The following RIPK2 variants were observed in gnomAD, a reference collection of about 807,000 sequenced individuals.
The protein encoded by RIPK2 is receptor-interacting serine/threonine-protein kinase 2.
In RIPK2, 38 loss-of-function variants were observed where a neutral mutation model predicts 60.9. That is an observed-to-expected ratio of 0.62 (90% CI 0.48 to 0.82). RIPK2 has a LOEUF of 0.82. Ranked by LOEUF, RIPK2 falls within the 40% of genes least tolerant of loss-of-function variation. The probability of loss-of-function intolerance (pLI) is 0.00; values close to 1 mark genes in which losing one functional copy is unlikely to be tolerated. For synonymous variants in RIPK2, 225 were observed against 223.4 expected (o/e 1.01, Z -0.06); for missense variants, 518 against 647.0 (o/e 0.80, Z 2.16).
chr8:89,788,811 G>A (rs1473557610), intron 9 of RIPK2, among the ~76,000 whole-genome samples: 2 of 151,250 alleles, frequency 1.3e-5, no homozygotes, highest in Non-Finnish European at 3.0e-5. Flanking sequence ...AGAGAGAGAG[G>A]GAGGGAGGGA....
At position 89,758,382 on chromosome 8, in the gene RIPK2, G is replaced by T; in HGVS notation, c.173+149G>T. 5.4e-6 allele frequency: 4 copies of T among 746,524 alleles called. No individual in the cohort carries two copies. The Middle Eastern group carries it at 1.2e-3, about 218-fold the overall frequency. The allele number at this position is 746,524 out of a possible 1,614,324, so 46.2% of individuals were successfully genotyped here. Reference sequence around the variant, plus strand: ...TCTAGGGAGCCCTTCAAGCTTGGGAGATAGGGAGCACCCACCCTTCAAGCT... The same window carrying T: ...TCTAGGGAGCCCTTCAAGCTTGGGATATAGGGAGCACCCACCCTTCAAGCT... On this transcript the variant is annotated intron_variant, in intron 1 of 10. Coordinates refer to ENST00000220751, the MANE Select transcript of RIPK2 (RefSeq NM_003821.6).
At chr8:89,771,627 C>G (rs915862022) in intron 4 of RIPK2, 114 bp from the exon 5 acceptor site, 2 of 634,342 alleles carry the variant, frequency 3.2e-6, no homozygotes. Flanking sequence ...TTCTTTGCTG[C>G]CTTATCACTT....
chr8:89,779,236 A>G (rs1352281449), intron 6 of RIPK2, among the ~76,000 whole-genome samples: 3 of 112,924 alleles, frequency 2.7e-5, no homozygotes, highest in Non-Finnish European at 5.5e-5. Context: ...AGCTTATCTT[A>G]TTTTTTCTTA....
intron 6 of RIPK2, among the ~76,000 whole-genome samples, chr8:89,775,654 T>C (rs1280218437): frequency 6.6e-6 from 1 of 152,166 alleles, no homozygotes; most frequent in Non-Finnish European, 1.5e-5. Context: ...TGTATGAGTA[T>C]ATGGACACTT....
chr8:89,789,890 A>C (rs764475734), intron 10 of RIPK2, among the ~76,000 whole-genome samples, 189 bp from the exon 11 acceptor site: 4 of 152,172 alleles, frequency 2.6e-5, no homozygotes, highest in Non-Finnish European at 5.9e-5. Flanking sequence ...CTGGGGAGTG[A>C]GGGGGAGATA....
In RIPK2 at chr8:89,762,282, C is replaced by T. The variant is rs564096413; in HGVS notation, c.174-547C>T. Among the ~76,000 whole-genome samples, 3 of 152,188 alleles carry T rather than the reference C, an allele frequency of 2.0e-5. No homozygotes were observed. The East Asian group carries it at 5.8e-4, about 29-fold the overall frequency. On this transcript the variant is annotated intron_variant, in intron 1 of 10. Transcript: ENST00000220751. ...GTCTATTAATATTATTGAGCATTTA[C>T]CTGTTCTCAGTGATCTTTTCCTGAG... is the stretch of plus-strand genomic sequence containing the variant.
chr8:89,790,271 C>T lies in RIPK2; in HGVS notation c.1478C>T (p.Thr493Ile). ...RTSKVRQLLDTTDIQGEEFAK... is the reference protein window; with the variant it reads ...RTSKVRQLLDITDIQGEEFAK... ...TCAAAAGTCAGACAATTACTAGACA[C>T]TACTGACATCCAAGGAGAAGAATTT... The change falls in exon 11 of 11, where the codon ACT becomes ATT. Residue 493 changes from threonine (T) to isoleucine (I), a missense_variant. Thr to Ile is a moderately conservative substitution (Grantham distance 89). Around this residue, in one of 3 missense-constraint regions of RIPK2, gnomAD observed 29 missense variants for 68.6 expected, o/e 0.42. Transcript: ENST00000220751. 6.2e-7 allele frequency: 1 copy of T among 1,614,056 alleles called. No individual in the cohort carries two copies. The highest frequency in any genetic ancestry group is 8.5e-7 in the Non-Finnish European group (1 of 1,179,968).
At chr8:89,770,161 C>T (rs760805915) in intron 4 of RIPK2, among the ~76,000 whole-genome samples, 3 of 151,722 alleles carry the variant, frequency 2.0e-5, no homozygotes, top group Non-Finnish European at 2.9e-5. Flanking sequence ...CTCTTCTTAT[C>T]CTATCAATTT....
rs200247401 is a variant in RIPK2 at position 89,784,174 on chromosome 8, A to G, written c.1029+35A>G. On this transcript the variant is annotated intron_variant, in intron 8 of 10. Transcript: ENST00000220751. Reference sequence around the variant, plus strand: ...AAAAAAAAAAAAAAAAGGTTATATTAAACTCAAAATGTGAGAAGAATTTGA... The same window carrying G: ...AAAAAAAAAAAAAAAAGGTTATATTGAACTCAAAATGTGAGAAGAATTTGA... 6.6e-5 allele frequency: 86 copies of G among 1,294,920 alleles called. No homozygotes were observed. The Middle Eastern group carries it at 8.0e-4, about 12-fold the overall frequency. The allele number at this position is 1,294,920 out of a possible 1,614,324, so 80.2% of individuals were successfully genotyped here.
Position 89,784,143 on chromosome 8 carries a change from A to G in RIPK2, c.1029+4A>G, listed in dbSNP as rs1325895977. On this transcript the variant is annotated splice_donor_region_variant and intron_variant, in intron 8 of 10. Transcript: ENST00000220751. ...TGTAAATCATGGTCCACAAGAGGTA[A>G]AAAAAAAAAAAAAAAAAAAAAGGTT... 7 of 166,190 alleles carry G rather than the reference A, an allele frequency of 4.2e-5. No individual in the cohort carries two copies. The highest frequency in any genetic ancestry group is 3.1e-4 in the African/African-American group (6 of 19,366). The allele number at this position is 166,190 out of a possible 1,614,324, so 10.3% of individuals were successfully genotyped here.
intron 6 of RIPK2, among the ~76,000 whole-genome samples, chr8:89,773,596 T>C (rs1005638852): frequency 4.6e-5 from 7 of 152,142 alleles, no homozygotes; most frequent in African/African-American, 1.7e-4. Flanking sequence ...CATGATCTGA[T>C]AGAAGTTTAG....
At chr8:89,782,254 TG>T (rs1200280861) in intron 7 of RIPK2, among the ~76,000 whole-genome samples, 2 of 152,226 alleles carry the variant, frequency 1.3e-5, no homozygotes, top group Non-Finnish European at 2.9e-5. Context: ...ATTCACATCC[TG>T]GGTGGAATGG....
rs1809336767 is a variant in RIPK2 at position 89,772,828 on chromosome 8, A to C, written c.853A>C (p.Lys285Gln). Residue 285 changes from lysine (K) to glutamine (Q), a missense_variant and splice_region_variant, in exon 6 of 11, where the codon AAA becomes CAA. Around this residue, in one of 3 missense-constraint regions of RIPK2, gnomAD observed 448 missense variants for 534.7 expected, o/e 0.84. Coordinates refer to ENST00000220751, the MANE Select transcript of RIPK2 (RefSeq NM_003821.6). ...TCCAGATGAAAGACCATCTTTCTTA[A>C]GTGAGTATATAGTTTTAACCTAGAC... ...QNPDERPSFL[K>Q]CLIELEPVLR... 6.2e-7 allele frequency: 1 copy of C among 1,600,478 alleles called. No homozygotes were observed. Among genetic ancestry groups the C allele is most frequent in the South Asian group, 1.1e-5 (1 of 89,512 alleles).
At chr8:89,768,574 C>G (rs1377910102) in intron 3 of RIPK2, among the ~76,000 whole-genome samples, 1 of 151,692 alleles carries the variant, frequency 6.6e-6, no homozygotes, top group Non-Finnish European at 1.5e-5. Context: ...CATATTTCTT[C>G]ATTCTGTCCT....
At chr8:89,765,749 GATC>G (rs1382477309) in intron 3 of RIPK2, among the ~76,000 whole-genome samples, 1 of 151,194 alleles carries the variant, frequency 6.6e-6, no homozygotes, top group Non-Finnish European at 1.5e-5. Context: ...GAATTGTCAA[GATC>G]ACCTTTTTTT....
Position 89,784,087 on chromosome 8 carries a change from A to C in RIPK2, c.977A>C (p.Lys326Thr). ...TCAAGTGCCATTCACCTATGTGACAAGAAGAAAATGGAATTATCTCTGAAC... is the reference window on the plus strand; with the variant it reads ...TCAAGTGCCATTCACCTATGTGACACGAAGAAAATGGAATTATCTCTGAAC... ...SVSSAIHLCD[K>T]KKMELSLNIP... is the part of the protein sequence containing the mutation. Residue 326 changes from lysine (K) to threonine (T), a missense_variant, in exon 8 of 11, where the codon AAG (lysine) becomes ACG (threonine). Lys to Thr is a moderately conservative substitution (Grantham distance 78). Around this residue, in one of 3 missense-constraint regions of RIPK2, gnomAD observed 448 missense variants for 534.7 expected, o/e 0.84. Coordinates refer to ENST00000220751, the MANE Select transcript of RIPK2 (RefSeq NM_003821.6). 6.3e-7 allele frequency: 1 copy of C among 1,593,740 alleles called. No homozygotes were observed. Among genetic ancestry groups the C allele is most frequent in the Non-Finnish European group, 8.6e-7 (1 of 1,165,766 alleles).
At chr8:89,761,394 T>C (rs761671412) in intron 1 of RIPK2, among the ~76,000 whole-genome samples, 2 of 152,056 alleles carry the variant, frequency 1.3e-5, no homozygotes, top group East Asian at 3.9e-4. Context: ...TTTAACCCCC[T>C]ACAGTCAGTC....
intron 3 of RIPK2, 78 bp downstream of exon 3, chr8:89,765,574 A>T: frequency 1.1e-6 from 1 of 893,418 alleles, no homozygotes; most frequent in Non-Finnish European, 1.7e-6. Context: ...TCTTCGACCT[A>T]GCCAATTTCA....
At chr8:89,772,588 C>A in intron 5 of RIPK2, 79 bp from the exon 6 acceptor site, 1 of 1,033,432 alleles carries the variant, frequency 9.7e-7, no homozygotes, top group South Asian at 1.8e-5. Context: ...CACTTATTTT[C>A]TTTTAGTTAG....
Sources: gnomAD v4.1 joint callset for allele counts (sites outside exome capture counted in the v4.1 genomes callset) on GRCh38, gnomAD v4.1.1 for gene constraint, gnomAD v4.1.1 regional missense constraint, MANE v1.5 for transcripts, NCBI Gene and HGNC (gene_info 2026-07-23, HGNC 2026-07-21) for gene names.